The following CKAP5 variants were observed in gnomAD, a reference collection of about 807,000 sequenced individuals.
CKAP5 encodes cytoskeleton-associated protein 5.
Under a neutral mutation model 232.8 loss-of-function variants are expected in CKAP5, and 27 were observed. The ratio of observed to expected loss-of-function variants is 0.12; its 90% CI spans 0.09 to 0.16. The LOEUF is 0.16. Among genes scored for constraint, CKAP5 ranks in the 10% least tolerant of loss-of-function variants. The pLI is 1.00. For synonymous variants in CKAP5, 785 were observed against 841.1 expected, an observed-to-expected ratio of 0.93 and a Z score of 1.16; for missense variants, 1,838 against 2,424.7, an observed-to-expected ratio of 0.76 and a Z score of 5.08.
Position 46,743,996 on chromosome 11 carries a change from G to T in CKAP5, c.*27C>A. On this transcript the variant is annotated 3_prime_UTR_variant, in exon 44 of 44. Coordinates refer to ENST00000529230, the MANE Select transcript of CKAP5 (RefSeq NM_001008938.4). ...ACTTCTAGTTTAGTAAACTAAAGCTGCAGGGTGCCGGGGGAGTGGGGCAGC... is the reference window on the plus strand; with the variant it reads ...ACTTCTAGTTTAGTAAACTAAAGCTTCAGGGTGCCGGGGGAGTGGGGCAGC... 1 of 1,611,912 alleles carries T rather than the reference G, an allele frequency of 6.2e-7. No homozygotes were observed. The highest frequency in any genetic ancestry group is 8.5e-7 in the Non-Finnish European group (1 of 1,179,856).
chr11:46,838,694 T>C (rs901455252), intron 1 of CKAP5, among the ~76,000 whole-genome samples: 3 of 136,072 alleles, frequency 2.2e-5, no homozygotes, highest in African/African-American at 8.4e-5. Flanking sequence ...CACTAGAGGC[T>C]GAGGTGAGAG....
rs201092681 is a variant in CKAP5, at chr11:46,769,997, T to C, written c.3288A>G (p.Gly1096=). 6.2e-7 allele frequency: 1 copy of C among 1,614,146 alleles called. No homozygotes were observed. Among genetic ancestry groups the C allele is most frequent in the African/African-American group, 1.3e-5 (1 of 75,056 alleles). ...GCTGGAATTTGGCTGGAGCGGACCCTCCCATTGGTTTAGAAGTTGCTTTAG... is the reference window on the plus strand; with the variant it reads ...GCTGGAATTTGGCTGGAGCGGACCCCCCCATTGGTTTAGAAGTTGCTTTAG... ...PPTKATSKPM[G]GSAPAKFQPA... Residue 1096 remains glycine (G), a synonymous_variant, in exon 26 of 44, where the codon GGA becomes GGG. Coordinates refer to ENST00000529230, the MANE Select transcript of CKAP5 (RefSeq NM_001008938.4).
chr11:46,761,886 TG>T, intron 32 of CKAP5, 113 bp downstream of exon 32: 1 of 758,524 alleles, frequency 1.3e-6, no homozygotes, highest in Non-Finnish European at 2.2e-6. Flanking sequence ...TAGGTTGAGT[TG>T]ACTAAAAAGT....
chr11:46,802,553 G>GACACACACACAC (rs372896887), intron 8 of CKAP5, among the ~76,000 whole-genome samples: 85 of 142,544 alleles, frequency 6.0e-4, no homozygotes, highest in Non-Finnish European at 1.1e-3. Flanking sequence ...CAGACAGACA[G>GACACACACACAC]ACAGACACAC....
chr11:46,834,780 A>C (rs1437917319), intron 1 of CKAP5, among the ~76,000 whole-genome samples: 2 of 152,132 alleles, frequency 1.3e-5, no homozygotes, highest in African/African-American at 2.4e-5. Flanking sequence ...TCTAAAGCAT[A>C]AAAATATTTT....
At chr11:46,841,282 AG>A (rs1452467662) in intron 1 of CKAP5, among the ~76,000 whole-genome samples, 6 of 151,564 alleles carry the variant, frequency 4.0e-5, no homozygotes, top group Admixed American at 2.6e-4. Context: ...AAAAAAAAAA[AG>A]GTGTCAGAAT....
At chr11:46,790,405 C>T in intron 14 of CKAP5, 65 bp downstream of exon 14, 2 of 1,190,674 alleles carry the variant, frequency 1.7e-6, no homozygotes, top group Non-Finnish European at 1.2e-6. Context: ...CAAAGAACTC[C>T]AGTCTTCTCA....
At chr11:46,777,627 A>G (rs1659216528) in intron 22 of CKAP5, 75 bp from the exon 23 acceptor site, 1 of 892,372 alleles carries the variant, frequency 1.1e-6, no homozygotes, top group Admixed American at 2.0e-5. Flanking sequence ...ATTTGCTGCT[A>G]TACTGTCAAT....
intron 8 of CKAP5, among the ~76,000 whole-genome samples, chr11:46,802,553 G>GACACACAC (rs372896887): frequency 0.037 from 5,189 of 141,964 alleles, 113 homozygotes; most frequent in Non-Finnish European, 0.054. Flanking sequence ...CAGACAGACA[G>GACACACAC]ACAGACACAC....
intron 2 of CKAP5, among the ~76,000 whole-genome samples, chr11:46,819,489 T>A (rs536836439): frequency 1.3e-4 from 20 of 152,188 alleles, no homozygotes; most frequent in Non-Finnish European, 2.5e-4. Context: ...AATGAGAAGT[T>A]AGTTTGTGGG....
At chr11:46,797,024 A>G (rs1349906598) in intron 11 of CKAP5, 84 bp from the exon 12 acceptor site, 1 of 1,480,846 alleles carries the variant, frequency 6.8e-7, no homozygotes, top group African/African-American at 1.4e-5. Flanking sequence ...TGGTTGCTAG[A>G]TAAAGAATTT....
chr11:46,816,538 G>A, intron 3 of CKAP5, 134 bp from the exon 4 acceptor site: 1 of 645,010 alleles, frequency 1.6e-6, no homozygotes, highest in East Asian at 2.8e-5. Flanking sequence ...TTAAATTTAT[G>A]TTCAAGAATA....
intron 34 of CKAP5, 45 bp downstream of exon 34, chr11:46,759,224 G>C (rs1428947193): frequency 6.4e-7 from 1 of 1,571,258 alleles, no homozygotes; most frequent in Non-Finnish European, 8.7e-7. Context: ...TAGGCCGTCT[G>C]ATCATCATGA....
intron 11 of CKAP5, among the ~76,000 whole-genome samples, chr11:46,797,573 G>A (rs1455692515): frequency 6.6e-6 from 1 of 152,100 alleles, no homozygotes; most frequent in Non-Finnish European, 1.5e-5. Flanking sequence ...TATGGGACAA[G>A]TAAGAAACAA....
At chr11:46,837,519 T>C (rs946346655) in intron 1 of CKAP5, among the ~76,000 whole-genome samples, 1 of 152,174 alleles carries the variant, frequency 6.6e-6, no homozygotes, top group African/African-American at 2.4e-5. Flanking sequence ...GAACACTCAG[T>C]ACCCAGGTCT....
chr11:46,829,020 G>GT (rs747726906), intron 1 of CKAP5, among the ~76,000 whole-genome samples: 3 of 152,114 alleles, frequency 2.0e-5, no homozygotes, highest in Non-Finnish European at 2.9e-5. Context: ...TTATACTATT[G>GT]TTTTTTACCA....
chr11:46,756,880 G>A (rs1458562358), intron 35 of CKAP5, among the ~76,000 whole-genome samples: 1 of 150,896 alleles, frequency 6.6e-6, no homozygotes, highest in Non-Finnish European at 1.5e-5. Context: ...CTCAGCCTCC[G>A]GAGTAGCTGG....
chr11:46,763,741 T>G, intron 28 of CKAP5, 111 bp from the exon 29 acceptor site: 3 of 620,954 alleles, frequency 4.8e-6, no homozygotes, highest in Non-Finnish European at 4.8e-6. Context: ...AATTCAACAA[T>G]ATTCATTTGT....
At chr11:46,799,391 T>G (rs964109157) in intron 9 of CKAP5, among the ~76,000 whole-genome samples, 1 of 152,140 alleles carries the variant, frequency 6.6e-6, no homozygotes, top group Non-Finnish European at 1.5e-5. Flanking sequence ...AGGACTATGG[T>G]TCCCATGGAA....
Sources: allele counts gnomAD v4.1 joint callset (sites outside exome capture counted in the v4.1 genomes callset), GRCh38; gene constraint gnomAD v4.1.1; transcripts MANE v1.5; gene names NCBI Gene and HGNC (gene_info 2026-07-23, HGNC 2026-07-21).